Variants in CDHR4 observed in about 807,000 individuals in gnomAD.
CDHR4 encodes the protein cadherin-related family member 4.
A neutral mutation model predicts 88.4 loss-of-function variants in CDHR4; 89 were observed. That is an observed-to-expected ratio of 1.01 (90% CI 0.85 to 1.20). The LOEUF is 1.20. CDHR4 is among the 50% of genes most tolerant of loss of function. The pLI, the probability that CDHR4 is intolerant of heterozygous loss-of-function variation, is 0.00. For missense variants in CDHR4, 914 were observed against 1,007.2 expected, an observed-to-expected ratio of 0.91 and a Z score of 1.25; for synonymous variants, 368 against 399.2, an observed-to-expected ratio of 0.92 and a Z score of 0.93.
chr3:49,797,089 C>A, intron 4 of CDHR4, 57 bp from the exon 5 acceptor site: 3 of 1,414,392 alleles, frequency 2.1e-6, no homozygotes, highest in South Asian at 1.2e-5. Context: ...TGAGCACCCC[C>A]ATCGACAACC....
chr3:49,790,804 C>T lies in CDHR4; in HGVS notation c.*28G>A. The T allele has an allele frequency of 6.5e-7, 1 of 1,535,038 alleles. No homozygotes were observed. The highest frequency in any genetic ancestry group is 8.8e-7 in the Non-Finnish European group (1 of 1,138,382). ...CCCATGATGGTGTGAAAAAGAAATT[C>T]CACACATAGTAAGACAGCTACTTGG... is the stretch of plus-strand genomic sequence containing the variant. On this transcript the variant is annotated 3_prime_UTR_variant, in exon 19 of 19. Transcript: ENST00000412678.
chr3:49,794,112 G>C (rs1295830929), intron 10 of CDHR4, 106 bp from the exon 11 acceptor site: 1 of 1,137,260 alleles, frequency 8.8e-7, no homozygotes, highest in East Asian at 2.6e-5. Flanking sequence ...AAGAGTGAGA[G>C]GGTCTGCTGG....
rs776241048 is a variant in CDHR4, at chr3:49,799,755, C to T, written c.49+9G>A. ...AAAACTACGGTTCCCCCACCCACCA[C>T]CTCCTCACCAGAGACCACCGGAGCA... On this transcript the variant is annotated intron_variant, in intron 1 of 18. Transcript: ENST00000412678. The T allele has an allele frequency of 1.4e-5, 22 of 1,613,674 alleles. 1 individual carries two copies. In the South Asian group the frequency reaches 2.3e-4, roughly 17 times the overall value.
upstream of CDHR4, among the ~76,000 whole-genome samples, chr3:49,802,804 C>G (rs948250764): frequency 1.3e-5 from 2 of 152,228 alleles, no homozygotes; most frequent in Non-Finnish European, 2.9e-5. Context: ...CCACAAAGTC[C>G]CGCCCTCTCT....
At position 49,795,440 on chromosome 3, in the gene CDHR4, T is replaced by G; in HGVS notation, c.848-61A>C. On this transcript the variant is annotated intron_variant, in intron 7 of 18. Transcript: ENST00000412678. This position sits in a 1 kb window ranked among gnomAD's most constrained non-coding sequence, Gnocchi z 5.4. ...AGGGAACACAGAGATCAGCCCCGCC[T>G]CCCAGCTCAGTCCCACTCCTGCCAG... 1 of 1,526,132 alleles carries G rather than the reference T, an allele frequency of 6.6e-7. No individual in the cohort carries two copies. The highest frequency in any genetic ancestry group is 2.0e-5 in the Admixed American group (1 of 50,406). 94.5% of individuals were successfully genotyped at this position (1,526,132 alleles called of 1,614,324 possible). A position where few individuals can be genotyped will look rare whatever the true frequency, so the allele number is the denominator to read the frequency against.
upstream of CDHR4, among the ~76,000 whole-genome samples, chr3:49,800,589 T>C (rs906530367): frequency 6.6e-6 from 1 of 151,760 alleles, no homozygotes; most frequent in Non-Finnish European, 1.5e-5. Context: ...ATGATAGAAA[T>C]ACAAATACTG....
chr3:49,799,785 G>C lies in CDHR4; in HGVS notation c.28C>G (p.Leu10Val). The change falls in exon 1 of 19, where the codon CTC becomes GTC. Residue 10 changes from leucine (L) to valine (V), a missense_variant. By Grantham distance (32) the Leu-to-Val change is conservative (BLOSUM62 1). Coordinates refer to ENST00000412678, the MANE Select transcript of CDHR4 (RefSeq NM_001007540.4). Reference sequence around the variant, plus strand: ...TCACCAGAGACCACCGGAGCAAAGAGGAACACGAGGAGCCTGAGCAGCACC... The same window carrying C: ...TCACCAGAGACCACCGGAGCAAAGACGAACACGAGGAGCCTGAGCAGCACC... Reference protein sequence around the residue: MVLLRLLVFLFAPVVSDLCS... With the variant: MVLLRLLVFVFAPVVSDLCS... The C allele has an allele frequency of 6.2e-7, 1 of 1,613,946 alleles. No individual in the cohort carries two copies. Among genetic ancestry groups the C allele is most frequent in the East Asian group, 2.2e-5 (1 of 44,890 alleles).
At chr3:49,791,514 C>T in intron 17 of CDHR4, 46 bp from the exon 18 acceptor site, 1 of 1,540,120 alleles carries the variant, frequency 6.5e-7, no homozygotes, top group Middle Eastern at 1.7e-4. Flanking sequence ...GAACCCTGCC[C>T]ACAGGGGAGC....
chr3:49,796,160 C>T, intron 5 of CDHR4, 114 bp from the exon 6 acceptor site: 1 of 652,062 alleles, frequency 1.5e-6, no homozygotes, highest in Non-Finnish European at 2.5e-6. Flanking sequence ...AAAGGATCTT[C>T]AACTTCCACT....
In CDHR4 at chr3:49,792,554, T is replaced by C. The variant is rs1470158746; in HGVS notation, c.2052A>G (p.Pro684=). 4.5e-6 allele frequency: 7 copies of C among 1,551,712 alleles called. No homozygotes were observed. In the Admixed American group the frequency reaches 5.9e-5, roughly 13 times the overall value. Residue 684 remains proline (P), a synonymous_variant, in exon 15 of 19, where the codon CCA becomes CCG. Coordinates refer to ENST00000412678, the MANE Select transcript of CDHR4 (RefSeq NM_001007540.4). ...TCAACACCACCACAAACCAGGGCTGTGGCTGCCAGAAAGCCTCTGTGTCTG... is the reference window on the plus strand; with the variant it reads ...TCAACACCACCACAAACCAGGGCTGCGGCTGCCAGAAAGCCTCTGTGTCTG... ...LVTDTEAFWQ[P]QPWFVVVLTA... is the part of the protein sequence containing the mutation.
At chr3:49,794,560 G>T in intron 10 of CDHR4, 48 bp downstream of exon 10, 2 of 1,441,422 alleles carry the variant, frequency 1.4e-6, no homozygotes, top group Non-Finnish European at 1.9e-6. Context: ...GAAGCGGGAG[G>T]ACAGAACAGC....
At chr3:49,794,854 C>T in intron 9 of CDHR4, 93 bp downstream of exon 9, 1 of 1,499,482 alleles carries the variant, frequency 6.7e-7, no homozygotes, top group Non-Finnish European at 9.0e-7. Context: ...CATCCCTCCA[C>T]CCCCACTCCC....
upstream of CDHR4, among the ~76,000 whole-genome samples, chr3:49,800,756 T>C (rs1386867522): frequency 6.6e-6 from 1 of 151,802 alleles, no homozygotes; most frequent in Non-Finnish European, 1.5e-5. Context: ...TATTTATATG[T>C]CAGTTTTTTT....
Position 49,799,868 on chromosome 3 carries a change from T to C in CDHR4, c.-56A>G. The C allele has an allele frequency of 6.3e-7, 1 of 1,595,706 alleles. No homozygotes were observed. Among genetic ancestry groups the C allele is most frequent in the Non-Finnish European group, 8.6e-7 (1 of 1,164,308 alleles). Reference sequence around the variant, plus strand: ...GCTTCAGAAAGCTAGGCTGTTTGTCTGACTCACCCTGTTGCCAGGTCAGTT... The same window carrying C: ...GCTTCAGAAAGCTAGGCTGTTTGTCCGACTCACCCTGTTGCCAGGTCAGTT... On this transcript the variant is annotated 5_prime_UTR_variant, in exon 1 of 19. Coordinates refer to ENST00000412678, the MANE Select transcript of CDHR4 (RefSeq NM_001007540.4).
Position 49,790,761 on chromosome 3 carries a change from A to G in CDHR4, c.*71T>C. ...CTTTTTGTAATTTTGTTTATTATGA[A>G]TCAACTTGAAAATACAGCCCATGAT... On this transcript the variant is annotated 3_prime_UTR_variant, in exon 19 of 19. Transcript: ENST00000412678. 7.5e-7 allele frequency: 1 copy of G among 1,325,702 alleles called. No homozygotes were observed. The highest frequency in any genetic ancestry group is 1.4e-5 in the South Asian group (1 of 73,130). 82.1% of individuals were successfully genotyped at this position (1,325,702 alleles called of 1,614,324 possible). A position where few individuals can be genotyped will look rare whatever the true frequency, so the allele number is the denominator to read the frequency against.
In CDHR4 at chr3:49,792,875, G is replaced by A. The variant is rs2081202087; in HGVS notation, c.1974C>T (p.Ala658=). The A allele has an allele frequency of 3.2e-6, 5 of 1,542,192 alleles. No homozygotes were observed. The East Asian group carries it at 1.2e-4, about 38-fold the overall frequency. The part of the protein sequence containing the change: ...HLVPRRASTV[A]TSTHRTTVPS... ...TCACTGTGGTTCTGTGGGTGCTGGTGGCCACTGTGCTGGCCCTCCGGGGAA... is the reference window on the plus strand; with the variant it reads ...TCACTGTGGTTCTGTGGGTGCTGGTAGCCACTGTGCTGGCCCTCCGGGGAA... Residue 658 remains alanine (A), a synonymous_variant, in exon 14 of 19, where the codon GCC becomes GCT. Coordinates refer to ENST00000412678, the MANE Select transcript of CDHR4 (RefSeq NM_001007540.4).
In CDHR4 at chr3:49,793,702, G is replaced by T. The variant is rs1230213641; in HGVS notation, c.1504C>A (p.Pro502Thr). ...RLSGEVHLLG[P>T]LDYEQQRLYR... ...AGCCTCTGCTGCTCATAGTCCAAAG[G>T]TCCCAGGAGGTGAACTTCCCCTAGA... Residue 502 changes from proline to threonine, a missense_variant, in exon 12 of 19, where the codon CCT becomes ACT. Physicochemically the swap from Pro to Thr is conservative, Grantham distance 38. Coordinates refer to ENST00000412678, the MANE Select transcript of CDHR4 (RefSeq NM_001007540.4). The T allele has an allele frequency of 6.4e-7, 1 of 1,551,592 alleles. No homozygotes were observed. Among genetic ancestry groups the T allele is most frequent in the African/African-American group, 1.4e-5 (1 of 73,034 alleles).
rs1334795029 is a variant in CDHR4, at chr3:49,793,134, C to T, written c.1774+27G>A. On this transcript the variant is annotated intron_variant, in intron 13 of 18. Transcript: ENST00000412678. Reference sequence around the variant, plus strand: ...CTGGCCTTGGCCTGCCCCTCACTCACAACCTGGTGGTGCCCATGTCCCCTA... The same window carrying T: ...CTGGCCTTGGCCTGCCCCTCACTCATAACCTGGTGGTGCCCATGTCCCCTA... 2.6e-6 allele frequency: 4 copies of T among 1,550,970 alleles called. No homozygotes were observed. The East Asian group carries it at 7.3e-5, about 28-fold the overall frequency.
chr3:49,799,726 A>G (rs1334907421), intron 1 of CDHR4, 38 bp downstream of exon 1: 1 of 1,608,396 alleles, frequency 6.2e-7, no homozygotes, highest in East Asian at 2.2e-5. Context: ...CAGGACTCCA[A>G]GGGAAAACTA....
Sources: allele counts gnomAD v4.1 joint callset (sites outside exome capture counted in the v4.1 genomes callset), GRCh38; gene constraint gnomAD v4.1.1; non-coding constraint Gnocchi (gnomAD v3.1); transcripts MANE v1.5; gene names NCBI Gene and HGNC (gene_info 2026-07-23, HGNC 2026-07-21).